The following IL23R variants were observed in gnomAD, a reference collection of about 807,000 sequenced individuals.
The protein encoded by IL23R is interleukin-23 receptor.
In IL23R, 34 loss-of-function variants were observed where a neutral mutation model predicts 56.9. The ratio of observed to expected loss-of-function variants is 0.60; its 90% CI spans 0.45 to 0.80. IL23R has a LOEUF of 0.80. Among genes scored for constraint, IL23R ranks in the 30% least tolerant of loss-of-function variants. IL23R has a pLI of 0.00. For synonymous variants in IL23R, 230 were observed against 249.2 expected (o/e 0.92, Z 0.73); for missense variants, 635 against 730.0 (o/e 0.87, Z 1.50).
chr1:67,191,117 A>G (rs574163680), intron 4 of IL23R, among the ~76,000 whole-genome samples: 1 of 152,190 alleles, frequency 6.6e-6, no homozygotes, highest in East Asian at 1.9e-4. Context: ...ACTAACCTCA[A>G]CTGGGCCCGG....
chr1:67,239,797 T>C (rs1651736574), intron 8 of IL23R, among the ~76,000 whole-genome samples: 1 of 152,166 alleles, frequency 6.6e-6, no homozygotes, highest in South Asian at 2.1e-4. Flanking sequence ...AAAAAATCAG[T>C]ATGATTGTAA....
chr1:67,157,589 T>A (rs1646780265), intron 1 of IL23R, among the ~76,000 whole-genome samples: 2 of 152,186 alleles, frequency 1.3e-5, no homozygotes, highest in African/African-American at 2.4e-5. Context: ...TCCATACTGA[T>A]CCTTGAACTC....
At chr1:67,236,291 A>G (rs1452836240) in intron 7 of IL23R, among the ~76,000 whole-genome samples, 2 of 152,260 alleles carry the variant, frequency 1.3e-5, no homozygotes, top group Non-Finnish European at 2.9e-5. Context: ...AAGATTGTGC[A>G]AAGGCAAAAG....
intron 4 of IL23R, among the ~76,000 whole-genome samples, chr1:67,197,307 A>G (rs1648235118): frequency 6.6e-6 from 1 of 152,214 alleles, no homozygotes; most frequent in Non-Finnish European, 1.5e-5. Context: ...ACCATTTTAA[A>G]AGAGCAGTTT....
At chr1:67,220,265 A>G (rs11209023) in intron 7 of IL23R, among the ~76,000 whole-genome samples, 72,668 of 151,686 alleles carry the variant, frequency 0.48, 17,889 homozygotes, top group African/African-American at 0.55. Flanking sequence ...GCTACTCGGA[A>G]GGCTGAGGCA....
chr1:67,234,751 A>G (rs1651354724), intron 7 of IL23R, among the ~76,000 whole-genome samples: 1 of 114,028 alleles, frequency 8.8e-6, no homozygotes, highest in South Asian at 2.8e-4. Flanking sequence ...TCTGTTGCCC[A>G]GGCTGGAGTG....
intron 6 of IL23R, among the ~76,000 whole-genome samples, chr1:67,217,997 T>C (rs1484872010): frequency 6.6e-6 from 1 of 152,026 alleles, no homozygotes; most frequent in Non-Finnish European, 1.5e-5. Flanking sequence ...TCTAGACATA[T>C]TGACATATTT....
Position 67,259,384 on chromosome 1 carries a change from G to A in IL23R, c.*256G>A. On this transcript the variant is annotated 3_prime_UTR_variant, in exon 11 of 11. Coordinates refer to ENST00000347310, the MANE Select transcript of IL23R (RefSeq NM_144701.3). ...ATTTCTGTGCTCCTACCATCACCAT[G>A]TAAGAATTCCCGGGAGCTCCATGCC... The A allele has an allele frequency of 2.1e-6, 1 of 471,964 alleles. No individual in the cohort carries two copies. Among genetic ancestry groups the A allele is most frequent in the Non-Finnish European group, 3.8e-6 (1 of 260,654 alleles). 29.2% of individuals were successfully genotyped at this position (471,964 alleles called of 1,614,324 possible).
chr1:67,221,326 A>T (rs1171128858), intron 7 of IL23R, among the ~76,000 whole-genome samples: 1 of 152,148 alleles, frequency 6.6e-6, no homozygotes, highest in African/African-American at 2.4e-5. Context: ...ATCTCAGAAA[A>T]TTTTATTAAG....
At chr1:67,169,008 G>T (rs1646907719) in intron 2 of IL23R, among the ~76,000 whole-genome samples, 1 of 151,974 alleles carries the variant, frequency 6.6e-6, no homozygotes, top group Non-Finnish European at 1.5e-5. Flanking sequence ...GGGCGTGGTG[G>T]TGCTCACCTG....
At chr1:67,218,565 A>C (rs1424050426) in intron 6 of IL23R, among the ~76,000 whole-genome samples, 1 of 151,972 alleles carries the variant, frequency 6.6e-6, no homozygotes, top group Non-Finnish European at 1.5e-5. Flanking sequence ...ATCAGCTACC[A>C]TTTCTCCACC....
Position 67,206,884 on chromosome 1 carries a change from CTTT to C in IL23R, c.653-7_653-5del, listed in dbSNP as rs557919248. On this transcript the variant is annotated intron_variant, in intron 5 of 10. Coordinates refer to ENST00000347310, the MANE Select transcript of IL23R (RefSeq NM_144701.3). ...CTAGGCAAGTTTTAAACAGCCAGGT[CTTT>C]TTTTTTTTTTTTTTTTTTCTAGTGA... The C allele has an allele frequency of 2.1e-3, 2,523 of 1,184,042 alleles. No individual in the cohort carries two copies. The highest frequency in any genetic ancestry group is 4.8e-3 in the Middle Eastern group (16 of 3,312). 73.3% of individuals were successfully genotyped at this position (1,184,042 alleles called of 1,614,324 possible). A position where few individuals can be genotyped will look rare whatever the true frequency, so the allele number is the denominator to read the frequency against.
At chr1:67,241,009 A>G (rs191321580) in intron 9 of IL23R, among the ~76,000 whole-genome samples, 2 of 152,244 alleles carry the variant, frequency 1.3e-5, no homozygotes, top group South Asian at 2.1e-4. Context: ...TTACGGGCAC[A>G]TACTACTAAG....
chr1:67,185,240 A>G (rs1238122477), intron 4 of IL23R, among the ~76,000 whole-genome samples: 2 of 152,216 alleles, frequency 1.3e-5, no homozygotes, highest in East Asian at 3.8e-4. Context: ...AGGACCACAC[A>G]GCTGCAGAGA....
intron 8 of IL23R, among the ~76,000 whole-genome samples, chr1:67,239,852 T>C (rs1651740068): frequency 6.6e-6 from 1 of 152,176 alleles, no homozygotes; most frequent in African/African-American, 2.4e-5. Context: ...CTCACCTGTG[T>C]CAGACAAGCC....
At position 67,240,206 on chromosome 1, in the gene IL23R, T is replaced by C. The variant is rs1349400977; in HGVS notation, c.1073T>C (p.Leu358Ser). The change falls in exon 9 of 11, where the codon TTG becomes TCG. Residue 358 changes from leucine (L) to serine (S), a missense_variant. Coordinates refer to ENST00000347310, the MANE Select transcript of IL23R (RefSeq NM_144701.3). ...AACAGAGGAGACATTGGACTTTTAT[T>C]GGGAATGATCGTCTTTGCTGTTATG... Reference protein sequence around the residue: ...SDNRGDIGLLLGMIVFAVMLS... With the variant: ...SDNRGDIGLLSGMIVFAVMLS... 1.9e-6 allele frequency: 3 copies of C among 1,612,462 alleles called. No individual in the cohort carries two copies. The South Asian group carries it at 3.3e-5, about 18-fold the overall frequency.
intron 6 of IL23R, among the ~76,000 whole-genome samples, chr1:67,212,809 C>T (rs916859637): frequency 2.0e-5 from 3 of 152,148 alleles, no homozygotes; most frequent in Non-Finnish European, 4.4e-5. Context: ...CCCGCCTCAG[C>T]CTCCCAAAGT....
At chr1:67,252,714 A>G (rs1220770104) in intron 9 of IL23R, among the ~76,000 whole-genome samples, 1 of 151,866 alleles carries the variant, frequency 6.6e-6, no homozygotes, top group African/African-American at 2.4e-5. Flanking sequence ...AGTTTAATTG[A>G]GCAATGAACA....
At chr1:67,250,501 T>C (rs1414681207) in intron 9 of IL23R, among the ~76,000 whole-genome samples, 2 of 152,142 alleles carry the variant, frequency 1.3e-5, no homozygotes, top group African/African-American at 4.8e-5. Flanking sequence ...AATTGAACAA[T>C]TTTCAAAAGT....
Sources: gnomAD v4.1 joint callset for allele counts (sites outside exome capture counted in the v4.1 genomes callset) on GRCh38, gnomAD v4.1.1 for gene constraint, MANE v1.5 for transcripts, NCBI Gene and HGNC (gene_info 2026-07-23, HGNC 2026-07-21) for gene names.